Variants in LCK observed in about 807,000 individuals in gnomAD.
LCK encodes the protein LCK proto-oncogene, Src family tyrosine kinase, also known as tyrosine-protein kinase Lck.
In LCK, 14 loss-of-function variants were observed where a neutral mutation model predicts 64.6. The ratio of observed to expected loss-of-function variants is 0.22; its 90% confidence interval spans 0.14 to 0.34. LCK has a LOEUF of 0.34. LCK is among the 10% of genes least tolerant of loss of function. LCK has a pLI of 1.00. For missense variants in LCK, 434 were observed against 668.1 expected, an observed-to-expected ratio of 0.65 and a Z score of 3.86; for synonymous variants, 277 against 263.6, an observed-to-expected ratio of 1.05 and a Z score of -0.49.
intron 12 of LCK, among the ~76,000 whole-genome samples, chr1:32,280,487 G>A (rs942107127): frequency 9.9e-5 from 9 of 90,602 alleles, no homozygotes; most frequent in African/African-American, 3.5e-4. Context: ...ACGGAGTCTT[G>A]CTCTGTCTCC....
At position 32,276,554 on chromosome 1, in the gene LCK, G is replaced by A. The variant is rs1176419605; in HGVS notation, c.785-53G>A. On this transcript the variant is annotated intron_variant, in intron 8 of 12. Coordinates refer to ENST00000336890, the MANE Select transcript of LCK (RefSeq NM_005356.5). This position sits in a 1 kb window ranked among gnomAD's most constrained non-coding sequence, Gnocchi z 4.6. ...GGGAGGGGCCGCTGAGGTGATGAGA[G>A]TCCCAGGACAGCTGCCTGGCGACTT... 2.5e-6 allele frequency: 4 copies of A among 1,584,242 alleles called. No individual in the cohort carries two copies. In the East Asian group the frequency reaches 9.0e-5, roughly 36 times the overall value.
Position 32,276,183 on chromosome 1 carries a change from G to A in LCK, c.631+120G>A. On this transcript the variant is annotated intron_variant, in intron 7 of 12. Transcript: ENST00000336890. This position sits in a 1 kb window ranked among gnomAD's most constrained non-coding sequence, Gnocchi z 4.6. ...CATTCCCCGCAGTGGGTGAGGTGTG[G>A]AACCTGACCCTACGGCCCCAAGTGT... The A allele has an allele frequency of 2.1e-6, 3 of 1,453,934 alleles. No homozygotes were observed. The highest frequency in any genetic ancestry group is 2.8e-6 in the Non-Finnish European group (3 of 1,065,856). The allele number at this position is 1,453,934 out of a possible 1,614,324, so 90.1% of individuals were successfully genotyped here.
At position 32,269,095 on chromosome 1, in the gene LCK, G is replaced by A. The variant is rs1369549758; in HGVS notation, c.-5-5230G>A. Among the ~76,000 whole-genome samples the A allele has an allele frequency of 2.4e-4, 35 of 146,880 alleles. No individual in the cohort carries two copies. In the Admixed American group the frequency reaches 2.4e-3, roughly 10 times the overall value. ...ATCACACCACTGCACTCCAGCCTGG[G>A]CAACAGAGCAAGTCTAAAAAAAAAA... On this transcript the variant is annotated intron_variant, in intron 1 of 12. Coordinates refer to ENST00000336890, the MANE Select transcript of LCK (RefSeq NM_005356.5).
At chr1:32,274,913 C>G (rs1281838531) in intron 3 of LCK, 80 bp from the exon 4 acceptor site, 1 of 1,614,040 alleles carries the variant, frequency 6.2e-7, no homozygotes, top group Admixed American at 1.7e-5. Flanking sequence ...CCGGTCTTGC[C>G]TTCCTTGTCC....
At chr1:32,274,495 A>ATGGGTTGGGTAGAGTTGG in intron 2 of LCK, 61 bp downstream of exon 2, 1 of 1,362,146 alleles carries the variant, frequency 7.3e-7, no homozygotes, top group Non-Finnish European at 1.0e-6. Flanking sequence ...CCCAGGAGAA[A>ATGGGTTGGGTAGAGTTGG]GAAATGACCA....
Position 32,276,020 on chromosome 1 carries a change from A to G in LCK, c.588A>G (p.Arg196=), listed in dbSNP as rs973968585. ...LDNGGFYISP[R]ITFPGLHELV... ...ACGGTGGCTTCTACATCTCCCCTCG[A>G]ATCACTTTTCCCGGCCTGCATGAAC... Residue 196 remains arginine (R), a synonymous_variant, in exon 7 of 13, where the codon CGA becomes CGG. Transcript: ENST00000336890. This position sits in a 1 kb window ranked among gnomAD's most constrained non-coding sequence, Gnocchi z 4.6. 1 of 1,614,074 alleles carries G rather than the reference A, an allele frequency of 6.2e-7. No individual in the cohort carries two copies. Among genetic ancestry groups the G allele is most frequent in the Middle Eastern group, 1.6e-4 (1 of 6,062 alleles).
chr1:32,264,801 T>C (rs1278483039), intron 1 of LCK, among the ~76,000 whole-genome samples: 1 of 152,054 alleles, frequency 6.6e-6, no homozygotes, highest in African/African-American at 2.4e-5. Flanking sequence ...TCTCACCACG[T>C]TGCCCAGGCT....
At chr1:32,279,533 C>T (rs770038009) in intron 9 of LCK, 138 bp from the exon 10 acceptor site, 41 of 1,543,664 alleles carry the variant, frequency 2.7e-5, no homozygotes, top group Non-Finnish European at 3.6e-5. Context: ...TTACCCTGAA[C>T]ACACACTCCT....
chr1:32,276,360 C>T lies in LCK; in HGVS notation c.655C>T (p.Arg219Trp), dbSNP rs559884474. Residue 219 changes from arginine (R) to tryptophan (W), a missense_variant, in exon 8 of 13, where the codon CGG (arginine) becomes TGG (tryptophan). Around this residue, in one of 2 missense-constraint regions of LCK, gnomAD observed 233 missense variants for 291.2 expected, o/e 0.80. Transcript: ENST00000336890. This position sits in a 1 kb window ranked among gnomAD's most constrained non-coding sequence, Gnocchi z 4.6. Reference protein sequence around the residue: ...YTNASDGLCTRLSRPCQTQKP... With the variant: ...YTNASDGLCTWLSRPCQTQKP... ...AGATGCTTCAGATGGGCTGTGCACA[C>T]GGTTGAGCCGCCCCTGCCAGACCCA... is the stretch of plus-strand genomic sequence containing the variant. The T allele has an allele frequency of 1.9e-6, 3 of 1,607,810 alleles. No homozygotes were observed. The highest frequency in any genetic ancestry group is 3.4e-5 in the Admixed American group (2 of 59,542).
rs571804555 is a variant in LCK, at chr1:32,276,871, G to A, written c.964+85G>A. ...GGGTGGAAATACACCTTTTCTTCTG[G>A]CCCAAAGCTCAAGCAAGGAGGGTTT... On this transcript the variant is annotated intron_variant, in intron 9 of 12. Coordinates refer to ENST00000336890, the MANE Select transcript of LCK (RefSeq NM_005356.5). The surrounding 1 kb of genome is among the most constrained non-coding windows in gnomAD (Gnocchi z 4.6). 97 of 1,338,514 alleles carry A rather than the reference G, an allele frequency of 7.2e-5. No homozygotes were observed. The East Asian group carries it at 2.3e-3, about 31-fold the overall frequency. The allele number at this position is 1,338,514 out of a possible 1,614,324, so 82.9% of individuals were successfully genotyped here. A position where few individuals can be genotyped will look rare whatever the true frequency, so the allele number is the denominator to read the frequency against.
intron 1 of LCK, among the ~76,000 whole-genome samples, chr1:32,273,368 G>T: frequency 6.6e-6 from 1 of 151,022 alleles, no homozygotes; most frequent in East Asian, 1.9e-4. Flanking sequence ...GTGAGAGTGT[G>T]TGTGTGTAGG....
At chr1:32,279,427 G>A (rs1272402463) in intron 9 of LCK, among the ~76,000 whole-genome samples, 3 of 152,084 alleles carry the variant, frequency 2.0e-5, no homozygotes, top group African/African-American at 7.2e-5. Flanking sequence ...AGGATTCTAG[G>A]TTCTACCTTA....
At chr1:32,255,106 G>T (rs994562211) in intron 1 of LCK, among the ~76,000 whole-genome samples, 49 of 152,138 alleles carry the variant, frequency 3.2e-4, no homozygotes, top group Admixed American at 1.8e-3. Context: ...GAAAAATTTG[G>T]TGTGTGTCCT....
intron 1 of LCK, chr1:32,269,213 G>A (rs1415991439): frequency 6.6e-6 from 1 of 151,708 alleles, no homozygotes; most frequent in African/African-American, 2.4e-5. Flanking sequence ...GAGGTGGGTG[G>A]ATCACTTGAG....
chr1:32,252,775 T>C (rs1352119609), intron 1 of LCK, among the ~76,000 whole-genome samples: 1 of 152,210 alleles, frequency 6.6e-6, no homozygotes, highest in Non-Finnish European at 1.5e-5. Context: ...AAGGTGTCTC[T>C]TAAGATCTGG....
At chr1:32,268,651 TAAA>T (rs1346086052) in intron 1 of LCK, among the ~76,000 whole-genome samples, 1 of 151,216 alleles carries the variant, frequency 6.6e-6, no homozygotes, top group Middle Eastern at 3.2e-3. Context: ...AGTAAATAAA[TAAA>T]TATACAAAAT....
chr1:32,254,428 C>T (rs1172697439), intron 1 of LCK, among the ~76,000 whole-genome samples: 2 of 152,232 alleles, frequency 1.3e-5, no homozygotes, highest in African/African-American at 4.8e-5. Flanking sequence ...TCCAGTGATT[C>T]TCCTGCCTTA....
At position 32,274,801 on chromosome 1, in the gene LCK, C is replaced by T; in HGVS notation, c.170C>T (p.Pro57Leu). ...PLVTYEGSNP[P>L]ASPLQDNLVI... ...GTTACCTACGAAGGCTCCAATCCGC[C>T]GGCTTCCCCACTGCAAGGTGACCCC... The change falls in exon 3 of 13, where the codon CCG (proline) becomes CTG (leucine). Residue 57 changes from proline to leucine, a missense_variant. Pro to Leu is a moderately conservative substitution (Grantham distance 98). Around this residue, in one of 2 missense-constraint regions of LCK, gnomAD observed 233 missense variants for 291.2 expected, o/e 0.80. Coordinates refer to ENST00000336890, the MANE Select transcript of LCK (RefSeq NM_005356.5). The T allele has an allele frequency of 2.5e-6, 4 of 1,613,682 alleles. No individual in the cohort carries two copies. Among genetic ancestry groups the T allele is most frequent in the Admixed American group, 1.7e-5 (1 of 59,966 alleles).
At chr1:32,261,240 A>ATTT (rs533208515) in intron 1 of LCK, among the ~76,000 whole-genome samples, 55 of 106,096 alleles carry the variant, frequency 5.2e-4, no homozygotes, top group Non-Finnish European at 7.5e-4. Flanking sequence ...TGCTTGGCTA[A>ATTT]TTTTTTTTTT....
Sources: gnomAD v4.1 joint callset for allele counts (sites outside exome capture counted in the v4.1 genomes callset) on GRCh38, gnomAD v4.1.1 for gene constraint, gnomAD v4.1.1 regional missense constraint, Gnocchi (gnomAD v3.1) non-coding constraint, MANE v1.5 for transcripts, NCBI Gene and HGNC (gene_info 2026-07-23, HGNC 2026-07-21) for gene names.